The following LRRC4C variants were observed in gnomAD, a reference collection of about 807,000 sequenced individuals.
The protein encoded by LRRC4C is leucine-rich repeat-containing protein 4C.
A neutral mutation model predicts 33.6 loss-of-function variants in LRRC4C; 5 were observed. The observed-to-expected ratio is 0.15, with a 90% CI of 0.08 to 0.31. The LOEUF (loss-of-function observed/expected upper bound fraction) is 0.31. Ranked by LOEUF, LRRC4C falls within the 10% of genes least tolerant of loss-of-function variation. LRRC4C has a pLI of 1.00. For missense variants in LRRC4C, 560 were observed against 796.7 expected (o/e 0.70, Z 3.58); for synonymous variants, 329 against 302.0 (o/e 1.09, Z -0.93).
At chr11:40,408,144 T>C (rs1157435915) in intron 3 of LRRC4C, among the ~76,000 whole-genome samples, 1 of 152,008 alleles carries the variant, frequency 6.6e-6, no homozygotes, top group East Asian at 1.9e-4. Context: ...AGCTCTTTGA[T>C]GGATGTTCAG....
chr11:40,225,380 C>G (rs965938288), intron 5 of LRRC4C, among the ~76,000 whole-genome samples: 2 of 152,134 alleles, frequency 1.3e-5, no homozygotes, highest in African/African-American at 2.4e-5. Context: ...AAAGTTTCCA[C>G]CATCTTAAGT....
intron 4 of LRRC4C, among the ~76,000 whole-genome samples, chr11:40,317,097 T>C (rs1263732981): frequency 1.3e-5 from 2 of 152,000 alleles, no homozygotes; most frequent in African/African-American, 4.8e-5. Flanking sequence ...TAATGTTTAC[T>C]AAAATTCAAT....
chr11:41,197,839 G>C (rs1946245397), intron 1 of LRRC4C, among the ~76,000 whole-genome samples: 2 of 151,888 alleles, frequency 1.3e-5, no homozygotes. Flanking sequence ...TGGAAAGGTG[G>C]TAATAGATTG....
chr11:41,189,086 A>C (rs902980692), intron 1 of LRRC4C, among the ~76,000 whole-genome samples: 4 of 152,150 alleles, frequency 2.6e-5, no homozygotes, highest in Non-Finnish European at 5.9e-5. Context: ...TCATTTATTC[A>C]ACAAAGATTT....
intron 2 of LRRC4C, among the ~76,000 whole-genome samples, chr11:40,774,026 T>A (rs1949873122): frequency 6.6e-6 from 1 of 152,266 alleles, no homozygotes; most frequent in African/African-American, 2.4e-5. Flanking sequence ...TCCTCACCTA[T>A]CCCTGGCAAC....
intron 1 of LRRC4C, among the ~76,000 whole-genome samples, chr11:41,405,975 A>C (rs1828016701): frequency 6.6e-6 from 1 of 152,170 alleles, no homozygotes; most frequent in Non-Finnish European, 1.5e-5. Flanking sequence ...AAGATACTGC[A>C]TCTCATTCAC....
intron 2 of LRRC4C, among the ~76,000 whole-genome samples, chr11:40,767,098 A>G (rs982559990): frequency 1.3e-5 from 2 of 152,124 alleles, no homozygotes; most frequent in South Asian, 4.1e-4. Context: ...TCACCTATAA[A>G]AACACACATA....
At chr11:40,269,978 T>A (rs571653486) in intron 4 of LRRC4C, among the ~76,000 whole-genome samples, 20 of 152,234 alleles carry the variant, frequency 1.3e-4, no homozygotes, top group East Asian at 3.9e-4. Context: ...TATAAAACCA[T>A]CCCACATGTG....
intron 4 of LRRC4C, among the ~76,000 whole-genome samples, chr11:40,295,956 C>T (rs1944491497): frequency 6.6e-6 from 1 of 152,200 alleles, no homozygotes; most frequent in Non-Finnish European, 1.5e-5. Flanking sequence ...CACTAGATAG[C>T]TTCAAAGGAG....
chr11:40,132,744 G>T (rs1298853795), intron 6 of LRRC4C, among the ~76,000 whole-genome samples: 3 of 151,870 alleles, frequency 2.0e-5, no homozygotes, highest in Non-Finnish European at 4.4e-5. Context: ...CCCCAATAAG[G>T]ATCCTCCCTC....
At chr11:41,252,025 G>T (rs200734403) in intron 1 of LRRC4C, among the ~76,000 whole-genome samples, 1 of 151,988 alleles carries the variant, frequency 6.6e-6, no homozygotes, top group Admixed American at 6.6e-5. Flanking sequence ...GAATTGAACA[G>T]CAATATAAAG....
chr11:40,947,081 T>G (rs983073825), intron 1 of LRRC4C, among the ~76,000 whole-genome samples: 2 of 152,154 alleles, frequency 1.3e-5, no homozygotes, highest in Non-Finnish European at 2.9e-5. Flanking sequence ...AGAAAGTTCC[T>G]TATCAATTAA....
chr11:40,294,307 C>A (rs1319372290), intron 4 of LRRC4C, among the ~76,000 whole-genome samples: 2 of 152,068 alleles, frequency 1.3e-5, no homozygotes, highest in African/African-American at 2.4e-5. Flanking sequence ...AAAAGCAACC[C>A]CCACGCTGGG....
At chr11:41,036,830 A>T (rs747350194) in intron 1 of LRRC4C, among the ~76,000 whole-genome samples, 2 of 152,248 alleles carry the variant, frequency 1.3e-5, no homozygotes, top group Non-Finnish European at 2.9e-5. Context: ...ATGACTAGAT[A>T]CACAATTAGA....
In LRRC4C at chr11:40,785,129, GT is replaced by G. The variant is rs138846483; in HGVS notation, c.-406-136852del. ...ATTATCACACAGCTATATAATCTAT[GT>G]TGTTATGCTAATTAACACATTTCTG... On this transcript the variant is annotated intron_variant, in intron 2 of 6. Transcript: ENST00000528697. Among the ~76,000 whole-genome samples the G allele has an allele frequency of 8.5e-3, 1,291 of 152,216 alleles. 24 individuals carry two copies. The highest frequency in any genetic ancestry group is 0.029 in the African/African-American group (1,218 of 41,528).
intron 1 of LRRC4C, among the ~76,000 whole-genome samples, chr11:41,378,639 G>T (rs1427214314): frequency 6.6e-6 from 1 of 152,064 alleles, no homozygotes; most frequent in African/African-American, 2.4e-5. Flanking sequence ...TGGAAACAAA[G>T]ATTTTAATCA....
intron 3 of LRRC4C, among the ~76,000 whole-genome samples, chr11:40,638,840 G>A (rs1234177366): frequency 1.3e-5 from 2 of 150,434 alleles, no homozygotes; most frequent in African/African-American, 4.9e-5. Context: ...AGCATCATGA[G>A]GAATTGGAAG....
chr11:40,507,463 T>G (rs2138683580), intron 3 of LRRC4C, among the ~76,000 whole-genome samples: 1 of 152,210 alleles, frequency 6.6e-6, no homozygotes, highest in African/African-American at 2.4e-5. Context: ...ATATAAACAC[T>G]AATAAATACA....
chr11:41,376,206 C>T (rs1952931192), intron 1 of LRRC4C, among the ~76,000 whole-genome samples: 1 of 152,074 alleles, frequency 6.6e-6, no homozygotes, highest in South Asian at 2.1e-4. Flanking sequence ...ACCCATTGCA[C>T]TCTTGTTTCA....
Sources: allele counts gnomAD v4.1 joint callset (sites outside exome capture counted in the v4.1 genomes callset), GRCh38; gene constraint gnomAD v4.1.1; transcripts MANE v1.5; gene names NCBI Gene and HGNC (gene_info 2026-07-23, HGNC 2026-07-21).